Variants in BTD observed in about 807,000 individuals in gnomAD.
The protein encoded by BTD is biocytinase.
A neutral mutation model predicts 17.7 loss-of-function variants in BTD; 13 were observed. The ratio of observed to expected loss-of-function variants is 0.74; its 90% CI spans 0.48 to 1.17. The LOEUF is 1.17. Among genes scored for constraint, BTD ranks in the 50% most tolerant of loss-of-function variants. The pLI, the probability that BTD is intolerant of heterozygous loss-of-function variation, is 0.00. For synonymous variants in BTD, 240 were observed against 245.2 expected, an observed-to-expected ratio of 0.98 and a Z score of 0.20; for missense variants, 674 against 650.4, an observed-to-expected ratio of 1.04 and a Z score of -0.39.
downstream of BTD, among the ~76,000 whole-genome samples, chr3:15,716,232 T>A (rs2073016838): frequency 6.6e-6 from 1 of 151,194 alleles, no homozygotes. Flanking sequence ...TCCACCCGCC[T>A]CGGCCTCCCA....
downstream of BTD, among the ~76,000 whole-genome samples, chr3:15,656,480 A>G (rs2125537378): frequency 6.6e-6 from 1 of 152,324 alleles, no homozygotes. Context: ...TTAAGGATAT[A>G]AAAACTGCCT....
chr3:15,627,334 C>T (rs1340630229), intron 1 of BTD, among the ~76,000 whole-genome samples: 1 of 152,180 alleles, frequency 6.6e-6, no homozygotes, highest in African/African-American at 2.4e-5. Context: ...GTGATGCTCC[C>T]ATCTCATCCT....
chr3:15,695,178 TA>T, intron 3 of BTD: 1 of 1,591,704 alleles, frequency 6.3e-7, no homozygotes, highest in African/African-American at 1.3e-5. Flanking sequence ...GGGAATTGAC[TA>T]ATACTTACAA....
In BTD at chr3:15,651,874, A is replaced by G. The variant is rs148366279; in HGVS notation, c.*6386A>G. 6.6e-6 allele frequency among the ~76,000 whole-genome samples: 1 copy of G among 152,326 alleles called. No homozygotes were observed. The highest frequency in any genetic ancestry group is 1.5e-5 in the Non-Finnish European group (1 of 68,028). The stretch of plus-strand genomic sequence containing the variant: ...GAGTTAGGGGAGAGAGAAGCTTCTT[A>G]ATGAAAATAACCTTGGTAGCTAGTC... On this transcript the variant is annotated 3_prime_UTR_variant, in exon 4 of 4. Transcript: ENST00000643237.
intron 3 of BTD, chr3:15,642,297 T>A (rs2065533183): frequency 7.1e-7 from 1 of 1,413,944 alleles, no homozygotes; most frequent in Non-Finnish European, 9.2e-7. Context: ...AATACAGGAA[T>A]GTATACTTAA....
intron 3 of BTD, among the ~76,000 whole-genome samples, chr3:15,679,127 A>G (rs756721217): frequency 2.7e-5 from 4 of 149,106 alleles, no homozygotes; most frequent in Non-Finnish European, 5.9e-5. Flanking sequence ...GGCATGCATC[A>G]TCATGCACTT....
chr3:15,654,786 G>A (rs1275028006), downstream of BTD, among the ~76,000 whole-genome samples: 1 of 151,022 alleles, frequency 6.6e-6, no homozygotes, highest in African/African-American at 2.4e-5. Flanking sequence ...CCAAGCTGGA[G>A]TACAATGGCA....
At position 15,639,636 on chromosome 3, in the gene BTD, G is replaced by C. The variant is rs980151262; in HGVS notation, c.250-2272G>C. On this transcript the variant is annotated intron_variant, in intron 2 of 3. Transcript: ENST00000643237. ...AATAATTGAGTGAGCCTATTAAACA[G>C]TACCCTAGTATAATTTGGAAAGGCT... is the stretch of plus-strand genomic sequence containing the variant. 6.8e-4 allele frequency among the ~76,000 whole-genome samples: 104 copies of C among 152,142 alleles called. 1 individual carries two copies. Among genetic ancestry groups the C allele is most frequent in the African/African-American group, 2.4e-3 (100 of 41,418 alleles).
rs2065832419 is a variant in BTD, at chr3:15,653,120, G to T, written c.*7632G>T. ...GGGGCTCTCGAAAGGTGGGCTCCAG[G>T]CAGCAGCACCAGTAGCACCTGGGAA... On this transcript the variant is annotated 3_prime_UTR_variant, in exon 4 of 4. Transcript: ENST00000643237. 1.3e-5 allele frequency among the ~76,000 whole-genome samples: 2 copies of T among 152,210 alleles called. No homozygotes were observed. Among genetic ancestry groups the T allele is most frequent in the African/African-American group, 4.8e-5 (2 of 41,448 alleles).
intron 3 of BTD, among the ~76,000 whole-genome samples, chr3:15,659,655 C>T (rs1032704690): frequency 2.5e-4 from 38 of 152,300 alleles, no homozygotes; most frequent in African/African-American, 8.7e-4. Context: ...TTATCATTAA[C>T]GACTTCTATT....
intron 3 of BTD, chr3:15,668,597 T>C (rs1261541998): frequency 6.6e-6 from 1 of 152,556 alleles, no homozygotes; most frequent in Non-Finnish European, 1.5e-5. Flanking sequence ...ACAAATACAT[T>C]ATTCATTAAA....
chr3:15,645,936 A>C lies in BTD; in HGVS notation c.*448A>C, dbSNP rs2065685003. ...TCCTGAGGTAAGAAACAAGCTCTCA[A>C]AGCAAAAGCTCAATTAGAAATGGCC... On this transcript the variant is annotated 3_prime_UTR_variant, in exon 4 of 4. Coordinates refer to ENST00000643237, the MANE Select transcript of BTD (RefSeq NM_001370658.1). 6.4e-6 allele frequency: 1 copy of C among 156,304 alleles called. No individual in the cohort carries two copies. Among genetic ancestry groups the C allele is most frequent in the South Asian group, 1.9e-4 (1 of 5,148 alleles). 9.7% of individuals were successfully genotyped at this position (156,304 alleles called of 1,614,324 possible). A position where few individuals can be genotyped will look rare whatever the true frequency, so the allele number is the denominator to read the frequency against.
chr3:15,714,532 G>GAAAAAAAAAA, downstream of BTD: 1 of 1,083,680 alleles, frequency 9.2e-7, no homozygotes, highest in Non-Finnish European at 1.2e-6. Context: ...CTACATTTAA[G>GAAAAAAAAAA]AAAAAAAAAA....
chr3:15,633,035 T>C (rs2065251573), intron 1 of BTD, among the ~76,000 whole-genome samples: 1 of 152,202 alleles, frequency 6.6e-6, no homozygotes, highest in Admixed American at 6.5e-5. Context: ...TATCAAATGG[T>C]GTAGAATTTA....
rs142418812 is a variant in BTD at position 15,644,519 on chromosome 3, C to T, written c.603C>T (p.Phe201=). 143 of 1,614,006 alleles carry T rather than the reference C, an allele frequency of 8.9e-5. No individual in the cohort carries two copies. Among genetic ancestry groups the T allele is most frequent in the East Asian group, 2.7e-4 (12 of 44,898 alleles). The change falls in exon 4 of 4, where the codon TTC becomes TTT. Residue 201 remains phenylalanine (F), a synonymous_variant. Transcript: ENST00000643237. Reference sequence around the variant, plus strand: ...ACAACCTCTACTTTGAGGCAGCATTCGATGTTCCTCTTAAAGTGGATCTCA... The same window carrying T: ...ACAACCTCTACTTTGAGGCAGCATTTGATGTTCCTCTTAAAGTGGATCTCA... The part of the protein sequence containing the change: ...RKHNLYFEAA[F]DVPLKVDLIT...
At chr3:15,642,294 G>C (rs2065533003) in intron 3 of BTD, 1 of 1,412,718 alleles carries the variant, frequency 7.1e-7, no homozygotes, top group African/African-American at 1.4e-5. Flanking sequence ...ATAAATACAG[G>C]AATGTATACT....
intron 1 of BTD, among the ~76,000 whole-genome samples, chr3:15,634,692 T>C (rs2125449880): frequency 6.6e-6 from 1 of 152,300 alleles, no homozygotes; most frequent in South Asian, 2.1e-4. Flanking sequence ...AGCAAGAGTT[T>C]TGGAGTCACA....
intron 1 of BTD, among the ~76,000 whole-genome samples, chr3:15,625,707 C>T (rs1240242480): frequency 2.0e-5 from 3 of 152,086 alleles, no homozygotes; most frequent in Non-Finnish European, 2.9e-5. Context: ...AGGCACCCGC[C>T]CCCTCGCCCA....
intron 3 of BTD, chr3:15,694,895 C>T (rs2125877199): frequency 7.6e-6 from 10 of 1,316,068 alleles, no homozygotes; most frequent in Admixed American, 1.8e-5. Context: ...TCAAATCCAC[C>T]TTAGAGTATT....
Sources: gnomAD v4.1 joint callset for allele counts (sites outside exome capture counted in the v4.1 genomes callset) on GRCh38, gnomAD v4.1.1 for gene constraint, MANE v1.5 for transcripts, NCBI Gene and HGNC (gene_info 2026-07-23, HGNC 2026-07-21) for gene names.